TTC13: variants seen among roughly 807,000 people sequenced by gnomAD.
The protein encoded by TTC13 is tetratricopeptide repeat protein 13.
In TTC13, 62 loss-of-function variants were observed where a neutral mutation model predicts 120.0. The observed-to-expected ratio is 0.52, with a 90% CI of 0.42 to 0.64. TTC13 has a LOEUF of 0.64. Ranked by LOEUF, TTC13 falls within the 30% of genes least tolerant of loss-of-function variation. The pLI, the probability that TTC13 is intolerant of heterozygous loss-of-function variation, is 0.00. For missense variants in TTC13, 824 were observed against 1,050.2 expected, an observed-to-expected ratio of 0.78 and a Z score of 2.98; for synonymous variants, 384 against 393.5, an observed-to-expected ratio of 0.98 and a Z score of 0.28.
intron 19 of TTC13, among the ~76,000 whole-genome samples, chr1:230,912,085 C>T (rs577161454): frequency 6.6e-6 from 1 of 151,714 alleles, no homozygotes; most frequent in African/African-American, 2.4e-5. Flanking sequence ...AGAGAAGGGG[C>T]GTGGTGGGGA....
intron 4 of TTC13, among the ~76,000 whole-genome samples, chr1:230,949,351 G>A (rs1675317753): frequency 7.6e-6 from 1 of 131,638 alleles, no homozygotes; most frequent in African/African-American, 2.7e-5. Context: ...GACGTATGGT[G>A]GCCCTCCAGC....
At chr1:230,925,397 A>T in intron 13 of TTC13, 120 bp downstream of exon 13, 2 of 1,153,342 alleles carry the variant, frequency 1.7e-6, no homozygotes, top group South Asian at 3.0e-5. Flanking sequence ...TTCTATTCTG[A>T]TCACATGGAG....
chr1:230,978,731 C>CG lies in TTC13; in HGVS notation c.99_100insC (p.Val34ArgfsTer66). On this transcript the variant is annotated frameshift_variant, in exon 1 of 23. Coordinates refer to ENST00000366661, the MANE Select transcript of TTC13 (RefSeq NM_024525.5). LOFTEE classifies it high-confidence loss of function. This position sits in a 1 kb window ranked among gnomAD's most constrained non-coding sequence, Gnocchi z 5.6. ...CCTGGCCGCAGCCCGGCGGACAGGA[C>CG]CCCCAGCAGCAGCAGCAGCAGGACA... The CG allele has an allele frequency of 6.7e-7, 1 of 1,497,654 alleles. No homozygotes were observed. Among genetic ancestry groups the CG allele is most frequent in the Non-Finnish European group, 8.8e-7 (1 of 1,132,326 alleles). The allele number at this position is 1,497,654 out of a possible 1,614,324, so 92.8% of individuals were successfully genotyped here. A position where few individuals can be genotyped will look rare whatever the true frequency, so the allele number is the denominator to read the frequency against.
chr1:230,958,280 G>C lies in TTC13; in HGVS notation c.386C>G (p.Ala129Gly), dbSNP rs1676287815. The change falls in exon 3 of 23, where the codon GCA becomes GGA. Residue 129 changes from alanine (A) to glycine (G), a missense_variant. Coordinates refer to ENST00000366661, the MANE Select transcript of TTC13 (RefSeq NM_024525.5). ...EKILSQAKSIAEQKRFPFATD... is the reference protein window; with the variant it reads ...EKILSQAKSIGEQKRFPFATD... ...GGCAAACGGGAATCTCTTCTGTTCT[G>C]CAATAGACTTGGCCTGGCTCTGGGA... 1 of 1,605,790 alleles carries C rather than the reference G, an allele frequency of 6.2e-7. No homozygotes were observed. The highest frequency in any genetic ancestry group is 1.7e-5 in the Admixed American group (1 of 59,104).
At chr1:230,916,404 G>A in intron 17 of TTC13, 102 bp from the exon 18 acceptor site, 1 of 863,436 alleles carries the variant, frequency 1.2e-6, no homozygotes, top group Non-Finnish European at 1.9e-6. Context: ...TTTTAAAAAG[G>A]GCCAAGGAGG....
chr1:230,955,984 C>G (rs1676046270), intron 3 of TTC13, among the ~76,000 whole-genome samples: 1 of 152,158 alleles, frequency 6.6e-6, no homozygotes, highest in South Asian at 2.1e-4. Context: ...GTAGTAAAAA[C>G]AGCAGCAAGA....
chr1:230,916,794 C>G (rs1242448102), intron 17 of TTC13, among the ~76,000 whole-genome samples: 1 of 152,164 alleles, frequency 6.6e-6, no homozygotes, highest in Non-Finnish European at 1.5e-5. Context: ...CCACACCCAC[C>G]CAACTCTGTG....
At chr1:230,922,622 G>A (rs1672681470) in intron 15 of TTC13, among the ~76,000 whole-genome samples, 1 of 152,164 alleles carries the variant, frequency 6.6e-6, no homozygotes. Context: ...GTTAGTCACA[G>A]TTTCCTGACC....
chr1:230,939,473 G>A lies in TTC13; in HGVS notation c.813C>T (p.Asp271=). ...ISEDYATAHE[D]FQQSLELNKN... The stretch of plus-strand genomic sequence containing the variant: ...TGTTCAGTTCTAAGGACTGCTGAAA[G>A]TCTTCATGGGCTGTTGCATAGTCCT... Residue 271 remains aspartate, a synonymous_variant, in exon 8 of 23, where the codon GAC becomes GAT. Transcript: ENST00000366661. The A allele has an allele frequency of 1.2e-6, 2 of 1,611,282 alleles. No individual in the cohort carries two copies. The highest frequency in any genetic ancestry group is 1.7e-6 in the Non-Finnish European group (2 of 1,177,974).
chr1:230,949,376 C>G (rs1675320115), intron 4 of TTC13, among the ~76,000 whole-genome samples: 2 of 85,774 alleles, frequency 2.3e-5, no homozygotes, highest in African/African-American at 7.7e-5. Flanking sequence ...GCAGCTGGAA[C>G]ATTTTTATAG....
chr1:230,945,496 A>G, intron 4 of TTC13, 42 bp from the exon 5 acceptor site: 1 of 1,581,384 alleles, frequency 6.3e-7, no homozygotes, highest in Non-Finnish European at 8.7e-7. Context: ...ACCATAAACA[A>G]AACAAAACAA....
In TTC13 at chr1:230,923,856, T is replaced by C. The variant is rs1272674425; in HGVS notation, c.1799A>G (p.His600Arg). Residue 600 changes from histidine (H) to arginine (R), a missense_variant, in exon 15 of 23, where the codon CAC becomes CGC. By Grantham distance (29) the His-to-Arg change is conservative (BLOSUM62 0). Transcript: ENST00000366661. ...AGGTTCGTACCTGATTAAATTAATG[T>C]GGTTGTTAAAACCTCTGCTAAGACT... ...ARSLSRGFNN[H>R]INLIRGQVIN... is the part of the protein sequence containing the mutation. 1.9e-6 allele frequency: 3 copies of C among 1,613,750 alleles called. No individual in the cohort carries two copies. Among genetic ancestry groups the C allele is most frequent in the Admixed American group, 3.3e-5 (2 of 59,970 alleles).
In TTC13 at chr1:230,961,060, T is replaced by G. The variant is rs541248922; in HGVS notation, c.366+149A>C. ...CCAATTCATAAGTCATAATTCAATG[T>G]GGCAAAATACCAGACGACCTATCTT... On this transcript the variant is annotated intron_variant, in intron 2 of 22. Coordinates refer to ENST00000366661, the MANE Select transcript of TTC13 (RefSeq NM_024525.5). The G allele has an allele frequency of 3.2e-4, 189 of 591,928 alleles. No individual in the cohort carries two copies. In the African/African-American group the frequency reaches 3.3e-3, roughly 10 times the overall value. 36.7% of individuals were successfully genotyped at this position (591,928 alleles called of 1,614,324 possible).
chr1:230,924,732 G>C, intron 14 of TTC13, 109 bp downstream of exon 14: 1 of 1,269,152 alleles, frequency 7.9e-7, no homozygotes, highest in Non-Finnish European at 1.1e-6. Context: ...AACTTGGAAG[G>C]CCTGGTGTTA....
At chr1:230,958,425 T>G in intron 2 of TTC13, 126 bp from the exon 3 acceptor site, 18 of 1,093,280 alleles carry the variant, frequency 1.6e-5, no homozygotes, top group Non-Finnish European at 2.3e-5. Context: ...AGCAAGAAAA[T>G]GCCACTATTG....
chr1:230,909,556 C>T (rs1314765582), intron 20 of TTC13, among the ~76,000 whole-genome samples: 1 of 152,148 alleles, frequency 6.6e-6, no homozygotes, highest in Admixed American at 6.5e-5. Flanking sequence ...TGCTTGAACC[C>T]GGGAGGCAGA....
intron 12 of TTC13, 141 bp from the exon 13 acceptor site, chr1:230,925,788 G>T: frequency 1.1e-6 from 1 of 881,670 alleles, no homozygotes; most frequent in Non-Finnish European, 1.8e-6. Flanking sequence ...TCAGTCCTTT[G>T]CACCCAACCA....
At position 230,916,212 on chromosome 1, in the gene TTC13, T is replaced by G; in HGVS notation, c.2074A>C (p.Ile692Leu). The G allele has an allele frequency of 6.2e-7, 1 of 1,613,732 alleles. No individual in the cohort carries two copies. The highest frequency in any genetic ancestry group is 1.1e-5 in the South Asian group (1 of 91,072). Residue 692 changes from isoleucine (I) to leucine (L), a missense_variant, in exon 18 of 23, where the codon ATC becomes CTC. Around this residue, in one of 4 missense-constraint regions of TTC13, gnomAD observed 226 missense variants for 259.1 expected, o/e 0.87. Coordinates refer to ENST00000366661, the MANE Select transcript of TTC13 (RefSeq NM_024525.5). Reference protein sequence around the residue: ...DQGKEYDGFTITITGDKVGNI... With the variant: ...DQGKEYDGFTLTITGDKVGNI... The stretch of plus-strand genomic sequence containing the variant: ...ACATACTTGTCTCCTGTAATCGTGA[T>G]TGTGAATCCATCATATTCCTTCCCT...
intron 3 of TTC13, among the ~76,000 whole-genome samples, chr1:230,957,225 C>T (rs12142307): frequency 0.32 from 48,256 of 152,056 alleles, 7,758 homozygotes; most frequent in Middle Eastern, 0.48. Flanking sequence ...TTCCTAGAGC[C>T]CAAGAGTTTG....
Sources: allele counts gnomAD v4.1 joint callset (sites outside exome capture counted in the v4.1 genomes callset), GRCh38; gene constraint gnomAD v4.1.1; regional missense constraint gnomAD v4.1.1; non-coding constraint Gnocchi (gnomAD v3.1); transcripts MANE v1.5; gene names NCBI Gene and HGNC (gene_info 2026-07-23, HGNC 2026-07-21).